The following CEP350 variants were observed in gnomAD, a reference collection of about 807,000 sequenced individuals.
CEP350 encodes the protein centrosome-associated protein 350.
Under a neutral mutation model 331.8 loss-of-function variants are expected in CEP350, and 126 were observed. The ratio of observed to expected loss-of-function variants is 0.38; its 90% CI spans 0.33 to 0.44. The LOEUF (loss-of-function observed/expected upper bound fraction) is 0.44. Ranked by LOEUF, CEP350 falls within the 20% of genes least tolerant of loss-of-function variation. The pLI is 1.00. For synonymous variants in CEP350, 1,200 were observed against 1,259.5 expected (o/e 0.95, Z 1.00); for missense variants, 3,406 against 3,634.6 (o/e 0.94, Z 1.62).
chr1:180,070,656 T>TA (rs1658822707), intron 27 of CEP350, among the ~76,000 whole-genome samples: 1 of 152,236 alleles, frequency 6.6e-6, no homozygotes, highest in Non-Finnish European at 1.5e-5. Context: ...TTCAGCTAGC[T>TA]AAAGTCAAAG....
intron 1 of CEP350, among the ~76,000 whole-genome samples, chr1:179,968,137 C>A (rs1651155522): frequency 6.6e-6 from 1 of 152,110 alleles, no homozygotes; most frequent in Non-Finnish European, 1.5e-5. Context: ...TCGAGACCAG[C>A]CTGGCCAACA....
Position 179,993,871 on chromosome 1 carries a change from A to C in CEP350, c.395+1650A>C, listed in dbSNP as rs181783869. 2.2e-4 allele frequency among the ~76,000 whole-genome samples: 33 copies of C among 152,200 alleles called. No homozygotes were observed. In the East Asian group the frequency reaches 5.8e-3, roughly 27 times the overall value. On this transcript the variant is annotated intron_variant, in intron 5 of 37. Transcript: ENST00000367607. Reference sequence around the variant, plus strand: ...TACTTTCTGTGGGAAAAATGACCAGATCTGTTTCTACCCCACTCCCATTTT... The same window carrying C: ...TACTTTCTGTGGGAAAAATGACCAGCTCTGTTTCTACCCCACTCCCATTTT...
chr1:180,100,920 C>A (rs570185864), intron 37 of CEP350, among the ~76,000 whole-genome samples: 8 of 152,302 alleles, frequency 5.3e-5, no homozygotes, highest in African/African-American at 1.9e-4. Context: ...CTCCCACACA[C>A]GTGGGAATTC....
chr1:179,972,876 T>C (rs1420990442), intron 1 of CEP350, among the ~76,000 whole-genome samples: 2 of 151,828 alleles, frequency 1.3e-5, no homozygotes, highest in African/African-American at 4.8e-5. Context: ...TTAACTTTTT[T>C]TTTTTTTTTT....
chr1:179,977,011 C>T (rs904373206), intron 1 of CEP350, among the ~76,000 whole-genome samples: 3 of 152,164 alleles, frequency 2.0e-5, no homozygotes, highest in Non-Finnish European at 4.4e-5. Flanking sequence ...TGATCTTCCT[C>T]TTTGTTTTTC....
intron 37 of CEP350, among the ~76,000 whole-genome samples, chr1:180,109,345 C>T (rs1399900728): frequency 6.6e-6 from 1 of 152,084 alleles, no homozygotes; most frequent in Non-Finnish European, 1.5e-5. Context: ...GTCTTGAACT[C>T]CTGACCTCGT....
At chr1:180,068,238 C>G (rs1037403472) in intron 27 of CEP350, among the ~76,000 whole-genome samples, 1 of 152,032 alleles carries the variant, frequency 6.6e-6, no homozygotes, top group African/African-American at 2.4e-5. Flanking sequence ...GACAGTAATG[C>G]CTTTGTTGAA....
intron 36 of CEP350, 130 bp downstream of exon 36, chr1:180,096,314 G>T: frequency 1.0e-6 from 1 of 961,506 alleles, no homozygotes; most frequent in African/African-American, 1.7e-5. Flanking sequence ...TTCCATAGTG[G>T]GTATTCAATA....
intron 14 of CEP350, among the ~76,000 whole-genome samples, chr1:180,025,664 C>T (rs551278067): frequency 6.6e-5 from 10 of 152,094 alleles, no homozygotes; most frequent in Non-Finnish European, 8.8e-5. Context: ...AACCAAACAC[C>T]GCGTGTTCTC....
chr1:180,101,093 G>C (rs1487263248), intron 37 of CEP350, among the ~76,000 whole-genome samples: 2 of 152,172 alleles, frequency 1.3e-5, no homozygotes, highest in Non-Finnish European at 2.9e-5. Flanking sequence ...TATTTCTTTT[G>C]CAGGGGTAAG....
chr1:179,964,156 G>A (rs887960960), intron 1 of CEP350, among the ~76,000 whole-genome samples: 9 of 152,102 alleles, frequency 5.9e-5, no homozygotes, highest in African/African-American at 2.2e-4. Context: ...ACTGACTGTT[G>A]TAAGTTGATT....
chr1:180,022,651 T>C (rs1460112610), intron 12 of CEP350, 47 bp from the exon 13 acceptor site: 1 of 1,556,834 alleles, frequency 6.4e-7, no homozygotes, highest in Non-Finnish European at 8.7e-7. Flanking sequence ...TTCTTACAGT[T>C]TCTTGATTTT....
At chr1:180,035,492 T>G (rs1270117140) in intron 16 of CEP350, among the ~76,000 whole-genome samples, 1 of 152,188 alleles carries the variant, frequency 6.6e-6, no homozygotes, top group Non-Finnish European at 1.5e-5. Context: ...GCTGATGACT[T>G]AAAGTTGAAG....
rs768896709 is a variant in CEP350 at position 180,095,908 on chromosome 1, C to T, written c.8897C>T (p.Thr2966Ile). The T allele has an allele frequency of 6.2e-7, 1 of 1,603,966 alleles. No homozygotes were observed. Among genetic ancestry groups the T allele is most frequent in the Admixed American group, 1.7e-5 (1 of 57,528 alleles). ...CASKGLDIESTSKRVYKQAVF... is the reference protein window; with the variant it reads ...CASKGLDIESISKRVYKQAVF... ...AGTAAAGGTCTAGATATAGAAAGCA[C>T]TAGTAAAAGGGTCTACAAACAGGTA... The change falls in exon 35 of 38, where the codon ACT becomes ATT. Residue 2966 changes from threonine (T) to isoleucine (I), a missense_variant. Thr to Ile is a moderately conservative substitution (Grantham distance 89). Transcript: ENST00000367607.
chr1:179,956,357 A>G (rs532470152), intron 1 of CEP350, among the ~76,000 whole-genome samples: 1 of 152,348 alleles, frequency 6.6e-6, no homozygotes, highest in Non-Finnish European at 1.5e-5. Context: ...GTATCTCTGT[A>G]TCTCTTCATC....
intron 9 of CEP350, 46 bp downstream of exon 9, chr1:180,012,121 C>A: frequency 6.8e-7 from 1 of 1,465,144 alleles, no homozygotes; most frequent in Non-Finnish European, 9.2e-7. Flanking sequence ...TTAAAAATTG[C>A]TATTAAGTAC....
chr1:180,073,201 A>G (rs1208107858), intron 27 of CEP350, among the ~76,000 whole-genome samples: 1 of 152,122 alleles, frequency 6.6e-6, no homozygotes, highest in Non-Finnish European at 1.5e-5. Flanking sequence ...CCTTTGTTAG[A>G]TATAAAGCAA....
At position 180,094,485 on chromosome 1, in the gene CEP350, A is replaced by G. The variant is rs750909193; in HGVS notation, c.8380A>G (p.Lys2794Glu). Residue 2794 changes from lysine to glutamate, a missense_variant, in exon 34 of 38, where the codon AAG becomes GAG. Lys to Glu is a moderately conservative substitution (Grantham distance 56, BLOSUM62 1). This residue lies in a region of CEP350 where 1,415 missense variants were observed against 1,512.3 expected (regional missense o/e 0.94). Coordinates refer to ENST00000367607, the MANE Select transcript of CEP350 (RefSeq NM_014810.5). ...TCAGGAGCTTCTTGGTGATGACCAA[A>G]AGAAAGTAACACCCCAAGACCTATC... ...SNQELLGDDQKKVTPQDLSQN... is the reference protein window; with the variant it reads ...SNQELLGDDQEKVTPQDLSQN... The G allele has an allele frequency of 1.1e-5, 17 of 1,613,846 alleles. No homozygotes were observed. Among genetic ancestry groups the G allele is most frequent in the Non-Finnish European group, 1.2e-5 (14 of 1,179,856 alleles).
chr1:180,068,853 C>T (rs7533903), intron 27 of CEP350, among the ~76,000 whole-genome samples: 9,947 of 152,224 alleles, frequency 0.065, 441 homozygotes, highest in African/African-American at 0.14. Context: ...AGAATGAGGA[C>T]AGCTTCACAT....
Sources: gnomAD v4.1 joint callset for allele counts (sites outside exome capture counted in the v4.1 genomes callset) on GRCh38, gnomAD v4.1.1 for gene constraint, gnomAD v4.1.1 regional missense constraint, MANE v1.5 for transcripts, NCBI Gene and HGNC (gene_info 2026-07-23, HGNC 2026-07-21) for gene names.